Variants in PI4K2A observed in about 807,000 individuals in gnomAD.
PI4K2A encodes the protein phosphatidylinositol 4-kinase type 2-alpha.
In PI4K2A, 20 loss-of-function variants were observed where a neutral mutation model predicts 55.0. The observed-to-expected ratio is 0.36, with a 90% CI of 0.26 to 0.53. The LOEUF (loss-of-function observed/expected upper bound fraction) is 0.53. Ranked by LOEUF, PI4K2A falls within the 20% of genes least tolerant of loss-of-function variation. The pLI, the probability that PI4K2A is intolerant of heterozygous loss-of-function variation, is 0.91. For missense variants in PI4K2A, 463 were observed against 637.1 expected, an observed-to-expected ratio of 0.73 and a Z score of 2.94; for synonymous variants, 235 against 258.5, an observed-to-expected ratio of 0.91 and a Z score of 0.87.
intron 1 of PI4K2A, among the ~76,000 whole-genome samples, chr10:97,648,092 A>ATTTTTTTTTTTTTTTT (rs11332690): frequency 2.5e-5 from 3 of 120,648 alleles, no homozygotes; most frequent in Non-Finnish European, 3.4e-5. Context: ...CACTTAGCTA[A>ATTTTTTTTTTTTTTTT]TTTTTTTTTT....
chr10:97,667,102 T>A, exon 8 of PI4K2A: 1 of 1,613,548 alleles, frequency 6.2e-7, no homozygotes, highest in Middle Eastern at 1.7e-4. Context: ...ATAAGCAGAT[T>A]GCTGTCATGC....
At chr10:97,663,853 G>A (rs900943927) in intron 5 of PI4K2A, among the ~76,000 whole-genome samples, 1 of 151,098 alleles carries the variant, frequency 6.6e-6, no homozygotes, top group African/African-American at 2.4e-5. Flanking sequence ...AAAAGAGACA[G>A]GGTCTTGCTC....
chr10:97,644,218 G>T (rs1179473652), intron 1 of PI4K2A, among the ~76,000 whole-genome samples: 2 of 152,186 alleles, frequency 1.3e-5, no homozygotes, highest in East Asian at 3.8e-4. Flanking sequence ...GAGCACTGTG[G>T]CAGGCACTTG....
chr10:97,663,225 C>T (rs888132666), intron 5 of PI4K2A, among the ~76,000 whole-genome samples: 1 of 152,152 alleles, frequency 6.6e-6, no homozygotes, highest in African/African-American at 2.4e-5. Flanking sequence ...GTTCTTTGAG[C>T]TTCTTATTGC....
At chr10:97,669,620 GCTTA>G (rs1485039427) in intron 8 of PI4K2A, among the ~76,000 whole-genome samples, 2 of 152,188 alleles carry the variant, frequency 1.3e-5, no homozygotes, top group African/African-American at 4.8e-5. Context: ...TCACTCATGT[GCTTA>G]CTTGTCTACC....
chr10:97,660,310 T>G (rs2041575597), intron 4 of PI4K2A, among the ~76,000 whole-genome samples: 1 of 135,898 alleles, frequency 7.4e-6, no homozygotes, highest in South Asian at 2.4e-4. Context: ...CTTTTTTTTT[T>G]TTTGAGACGG....
chr10:97,650,877 C>A, intron 1 of PI4K2A, 64 bp from the exon 2 acceptor site: 1 of 1,190,426 alleles, frequency 8.4e-7, no homozygotes, highest in Non-Finnish European at 1.2e-6. Context: ...TTCCTGCTGA[C>A]TTGGTCTGTG....
intron 8 of PI4K2A, among the ~76,000 whole-genome samples, chr10:97,671,942 C>G (rs1179122955): frequency 6.6e-6 from 1 of 152,092 alleles, no homozygotes; most frequent in Non-Finnish European, 1.5e-5. Flanking sequence ...GCATGAGCTA[C>G]CACGCCCAGC....
chr10:97,651,115 G>A (rs1217730872), exon 2 of PI4K2A: 1 of 1,613,414 alleles, frequency 6.2e-7, no homozygotes, highest in Admixed American at 1.7e-5. Flanking sequence ...CCAAAAACTG[G>A]AACTCAACAT....
intron 4 of PI4K2A, among the ~76,000 whole-genome samples, chr10:97,659,397 T>C (rs2135757588): frequency 6.8e-6 from 1 of 146,444 alleles, no homozygotes; most frequent in African/African-American, 2.5e-5. Context: ...TTAGTTCTAG[T>C]AGTTATTTTT....
chr10:97,674,643 C>T (rs1216379133), exon 9 of PI4K2A: 1 of 152,198 alleles, frequency 6.6e-6, no homozygotes, highest in African/African-American at 2.4e-5. Context: ...CTCATTTGTT[C>T]CTCTCGTTTT....
At chr10:97,647,120 G>T (rs2135753113) in intron 1 of PI4K2A, among the ~76,000 whole-genome samples, 1 of 152,174 alleles carries the variant, frequency 6.6e-6, no homozygotes, top group East Asian at 1.9e-4. Flanking sequence ...ACACCAGCTG[G>T]TGCATGGCCT....
chr10:97,661,851 ATTTTT>A (rs11293508), intron 4 of PI4K2A, among the ~76,000 whole-genome samples: 1 of 126,022 alleles, frequency 7.9e-6, no homozygotes. Flanking sequence ...TTCAGGTTTG[ATTTTT>A]TTTTTTTTTT....
chr10:97,645,885 T>C (rs1411582681), intron 1 of PI4K2A, among the ~76,000 whole-genome samples: 9 of 151,864 alleles, frequency 5.9e-5, no homozygotes, highest in Non-Finnish European at 1.2e-4. Context: ...TCCCTTCCTT[T>C]TGTAAGAATG....
At chr10:97,661,953 C>G (rs1290935948) in intron 4 of PI4K2A, among the ~76,000 whole-genome samples, 1 of 150,744 alleles carries the variant, frequency 6.6e-6, no homozygotes, top group Non-Finnish European at 1.5e-5. Context: ...ACACTTGGCT[C>G]AAGCTGTCCT....
In PI4K2A at chr10:97,642,887, TCC is replaced by T. The variant is rs1564772370; in HGVS notation, c.435+1711_435+1712del. ...TCTTTTTCTTTCTTTCTTTCTTTCT[TCC>T]TTCCTTCCTTCCTTCCTTCCTTCCT... On this transcript the variant is annotated intron_variant, in intron 1 of 8. Coordinates refer to ENST00000370631, the Ensembl canonical transcript of PI4K2A. 1.1e-3 allele frequency among the ~76,000 whole-genome samples: 130 copies of T among 116,172 alleles called. 1 individual carries two copies. Among genetic ancestry groups the T allele is most frequent in the South Asian group, 1.6e-3 (6 of 3,644 alleles). 76.2% of individuals were successfully genotyped at this position (116,172 alleles called of 152,430 possible).
chr10:97,659,676 G>A (rs1014415839), intron 4 of PI4K2A, among the ~76,000 whole-genome samples: 4 of 152,058 alleles, frequency 2.6e-5, no homozygotes, highest in African/African-American at 9.7e-5. Flanking sequence ...TTTGCAAGCT[G>A]CTCCTGGAAC....
intron 4 of PI4K2A, among the ~76,000 whole-genome samples, 174 bp downstream of exon 4, chr10:97,657,148 T>G (rs1049144146): frequency 6.6e-6 from 1 of 152,198 alleles, no homozygotes; most frequent in African/African-American, 2.4e-5. Context: ...CACTCTTTCC[T>G]GGTTCCAGAC....
chr10:97,672,332 C>T (rs184359717), intron 8 of PI4K2A, among the ~76,000 whole-genome samples: 62 of 152,238 alleles, frequency 4.1e-4, no homozygotes, highest in East Asian at 1.7e-3. Context: ...TGAGCCACTA[C>T]GCCCGGACCA....
Sources: allele counts gnomAD v4.1 joint callset (sites outside exome capture counted in the v4.1 genomes callset), GRCh38; gene constraint gnomAD v4.1.1; transcripts MANE v1.5; gene names NCBI Gene and HGNC (gene_info 2026-07-23, HGNC 2026-07-21).